The following PCDH9 variants were observed in gnomAD, a reference collection of about 807,000 sequenced individuals.
The protein encoded by PCDH9 is protocadherin-9.
PCDH9 carries 24 observed loss-of-function variants against 70.6 expected under a neutral mutation model. That is an observed-to-expected ratio of 0.34 (90% CI 0.25 to 0.48). PCDH9 has a LOEUF of 0.48. Ranked by LOEUF, PCDH9 falls within the 20% of genes least tolerant of loss-of-function variation. The probability of loss-of-function intolerance (pLI) is 0.99; values close to 1 mark genes in which losing one functional copy is unlikely to be tolerated. For missense variants in PCDH9, 1,281 were observed against 1,503.6 expected (o/e 0.85, Z 2.45); for synonymous variants, 562 against 558.5 (o/e 1.01, Z -0.09).
rs547985011 is a variant in PCDH9, at chr13:66,304,665, T to C, written c.3704A>G (p.His1235Arg). ...CCATATAGCCTTTTCTTAGAGTTGG[T>C]GCTCCTTAGGACTCTCAGTAGCACC... is the stretch of plus-strand genomic sequence containing the variant. ...AGGATESPKEHQL is the reference protein window; with the variant it reads ...AGGATESPKERQL The change falls in exon 5 of 5, where the codon CAC becomes CGC. Residue 1235 changes from histidine (H) to arginine (R), a missense_variant. Transcript: ENST00000377865. The C allele has an allele frequency of 6.2e-7, 1 of 1,612,770 alleles. No individual in the cohort carries two copies. The highest frequency in any genetic ancestry group is 1.3e-5 in the African/African-American group (1 of 74,948).
chr13:67,060,015 G>T (rs935009809), intron 2 of PCDH9, among the ~76,000 whole-genome samples: 1 of 151,814 alleles, frequency 6.6e-6, no homozygotes, highest in East Asian at 1.9e-4. Context: ...GAGGGGGTGT[G>T]GCTCTAAATT....
In PCDH9 at chr13:66,682,394, ATCT is replaced by A. The variant is rs2078339766; in HGVS notation, c.3139-50986_3139-50984del. Among the ~76,000 whole-genome samples the A allele has an allele frequency of 8.0e-5, 8 of 99,442 alleles. No homozygotes were observed. In the South Asian group the frequency reaches 2.7e-3, roughly 33 times the overall value. The allele number at this position is 99,442 out of a possible 152,430, so 65.2% of individuals were successfully genotyped here. On this transcript the variant is annotated intron_variant, in intron 3 of 4. Transcript: ENST00000377865. ...TATCTATCTATCTATCTATCTATCT[ATCT>A]ATCATCTATCATCTTCTTCTTTTTA...
intron 2 of PCDH9, among the ~76,000 whole-genome samples, chr13:67,039,404 G>T (rs1021629434): frequency 7.2e-5 from 11 of 152,252 alleles, no homozygotes; most frequent in African/African-American, 1.9e-4. Context: ...GCATGATCCA[G>T]TCAGATCCTG....
intron 4 of PCDH9, among the ~76,000 whole-genome samples, chr13:66,343,938 G>A (rs1336800162): frequency 6.6e-6 from 1 of 152,078 alleles, no homozygotes; most frequent in Non-Finnish European, 1.5e-5. Flanking sequence ...ATATTGTTCA[G>A]CTCTCACTCA....
At chr13:66,553,939 A>G (rs1961607188) in intron 4 of PCDH9, among the ~76,000 whole-genome samples, 1 of 152,192 alleles carries the variant, frequency 6.6e-6, no homozygotes, top group South Asian at 2.1e-4. Flanking sequence ...CATAGAGTTC[A>G]TATGGCTTTG....
At chr13:67,010,023 T>C (rs2084423989) in intron 2 of PCDH9, among the ~76,000 whole-genome samples, 1 of 152,020 alleles carries the variant, frequency 6.6e-6, no homozygotes, top group Admixed American at 6.6e-5. Context: ...AATTAACTGA[T>C]GTTCAGGAAA....
At chr13:66,927,524 G>A (rs1351883530) in intron 2 of PCDH9, among the ~76,000 whole-genome samples, 1 of 151,962 alleles carries the variant, frequency 6.6e-6, no homozygotes, top group Non-Finnish European at 1.5e-5. Flanking sequence ...AAACCTGCAC[G>A]TGGACCTCTG....
chr13:66,429,430 G>GTA (rs1555292585), intron 4 of PCDH9, among the ~76,000 whole-genome samples: 3 of 144,972 alleles, frequency 2.1e-5, no homozygotes, highest in Non-Finnish European at 4.5e-5. Flanking sequence ...TATTTTTTCT[G>GTA]TTTTTTTTTT....
intron 2 of PCDH9, among the ~76,000 whole-genome samples, chr13:66,984,002 A>T (rs1338260494): frequency 6.6e-6 from 1 of 152,120 alleles, no homozygotes; most frequent in African/African-American, 2.4e-5. Context: ...ATTCTAATAA[A>T]TAACAACTAA....
intron 4 of PCDH9, among the ~76,000 whole-genome samples, chr13:66,400,247 A>T (rs929389052): frequency 4.6e-5 from 7 of 152,204 alleles, no homozygotes; most frequent in Non-Finnish European, 1.0e-4. Context: ...TAAATATACC[A>T]GTCTGTTAAG....
chr13:66,879,966 A>C (rs561361409), intron 3 of PCDH9: 1 of 152,330 alleles, frequency 6.6e-6, no homozygotes, highest in African/African-American at 2.4e-5. Flanking sequence ...TTACAAATGA[A>C]TGCAAACAAA....
intron 3 of PCDH9, among the ~76,000 whole-genome samples, chr13:66,709,027 T>C (rs2078756133): frequency 6.6e-6 from 1 of 152,216 alleles, no homozygotes; most frequent in African/African-American, 2.4e-5. Flanking sequence ...GAATTGAGAT[T>C]GAAAGCTTTA....
At chr13:66,585,590 G>A (rs146501226) in intron 4 of PCDH9, among the ~76,000 whole-genome samples, 6 of 151,926 alleles carry the variant, frequency 3.9e-5, no homozygotes, top group Middle Eastern at 3.4e-3. Context: ...ATCCCTTAAC[G>A]CATTCCCCAG....
At chr13:66,338,634 G>A (rs954164146) in intron 4 of PCDH9, among the ~76,000 whole-genome samples, 2 of 151,808 alleles carry the variant, frequency 1.3e-5, no homozygotes, top group Admixed American at 6.6e-5. Context: ...TGAAAAGTGT[G>A]TGTGTGTAGA....
At chr13:67,132,024 GT>G (rs756205845) in intron 2 of PCDH9, among the ~76,000 whole-genome samples, 10 of 152,140 alleles carry the variant, frequency 6.6e-5, no homozygotes, top group African/African-American at 1.2e-4. Flanking sequence ...AATTTCTGCT[GT>G]TGTTATCAGG....
intron 3 of PCDH9, among the ~76,000 whole-genome samples, chr13:66,697,488 G>A (rs1035209644): frequency 2.6e-5 from 4 of 152,114 alleles, no homozygotes; most frequent in Admixed American, 2.6e-4. Flanking sequence ...ATATTTGAAA[G>A]AATTAAAGTA....
At chr13:66,662,658 G>A (rs1488720246) in intron 3 of PCDH9, among the ~76,000 whole-genome samples, 1 of 152,164 alleles carries the variant, frequency 6.6e-6, no homozygotes, top group Non-Finnish European at 1.5e-5. Flanking sequence ...GAGTTATGTG[G>A]GGAAACAATG....
chr13:66,341,151 T>A (rs924467710), intron 4 of PCDH9, among the ~76,000 whole-genome samples: 8 of 152,064 alleles, frequency 5.3e-5, no homozygotes, highest in Non-Finnish European at 8.8e-5. Flanking sequence ...TGAGACACAG[T>A]CTCACTCATG....
chr13:66,954,413 C>T (rs2083234533), intron 2 of PCDH9, among the ~76,000 whole-genome samples: 1 of 152,136 alleles, frequency 6.6e-6, no homozygotes, highest in Admixed American at 6.5e-5. Context: ...CAGATTTAAC[C>T]TGGGCCCATG....
Sources: allele counts gnomAD v4.1 joint callset (sites outside exome capture counted in the v4.1 genomes callset), GRCh38; gene constraint gnomAD v4.1.1; transcripts MANE v1.5; gene names NCBI Gene and HGNC (gene_info 2026-07-23, HGNC 2026-07-21).